Variants in HS6ST1 observed in about 807,000 individuals in gnomAD.
HS6ST1 encodes the protein heparan sulfate 6-O-sulfotransferase 1, also known as heparan-sulfate 6-O-sulfotransferase 1.
HS6ST1 carries 3 observed loss-of-function variants against 25.2 expected under a neutral mutation model. That is an observed-to-expected ratio of 0.12 (90% CI 0.05 to 0.31). The LOEUF (loss-of-function observed/expected upper bound fraction) is 0.31. Among genes scored for constraint, HS6ST1 ranks in the 10% least tolerant of loss-of-function variants. HS6ST1 has a pLI of 1.00. For synonymous variants in HS6ST1, 204 were observed against 275.1 expected, an observed-to-expected ratio of 0.74 and a Z score of 2.56; for missense variants, 310 against 609.6, an observed-to-expected ratio of 0.51 and a Z score of 5.18.
chr2:128,305,711 G>A (rs1573707672), intron 1 of HS6ST1, among the ~76,000 whole-genome samples: 1 of 152,330 alleles, frequency 6.6e-6, no homozygotes, highest in South Asian at 2.1e-4. Context: ...GAGACCATCT[G>A]CTCTGCCTGC....
At chr2:128,291,478 C>T (rs1265176384) in intron 1 of HS6ST1, among the ~76,000 whole-genome samples, 1 of 152,248 alleles carries the variant, frequency 6.6e-6, no homozygotes, top group Non-Finnish European at 1.5e-5. Context: ...GGGGCTAGAC[C>T]TCTGGCAGGG....
At chr2:128,315,190 G>A (rs1193587711) in intron 1 of HS6ST1, among the ~76,000 whole-genome samples, 1 of 152,226 alleles carries the variant, frequency 6.6e-6, no homozygotes, top group African/African-American at 2.4e-5. Context: ...ACCCGCCAAT[G>A]CTCTGCTCAC....
At chr2:128,314,409 G>T (rs1694332371) in intron 1 of HS6ST1, among the ~76,000 whole-genome samples, 1 of 152,198 alleles carries the variant, frequency 6.6e-6, no homozygotes, top group South Asian at 2.1e-4. Flanking sequence ...TGCCAAGGTG[G>T]CACGGTGTCA....
At chr2:128,288,697 A>ACGAT (rs1442176985) in intron 1 of HS6ST1, among the ~76,000 whole-genome samples, 14 of 80,344 alleles carry the variant, frequency 1.7e-4, no homozygotes, top group South Asian at 9.3e-4. Context: ...ACAAACAAAC[A>ACGAT]AAACAATCTA....
At chr2:128,300,265 C>T (rs1014085787) in intron 1 of HS6ST1, among the ~76,000 whole-genome samples, 4 of 152,174 alleles carry the variant, frequency 2.6e-5, no homozygotes, top group African/African-American at 7.2e-5. Flanking sequence ...GCCTGCCCTC[C>T]GGAGAGGGCC....
At chr2:128,282,253 C>T (rs6431006) in intron 1 of HS6ST1, among the ~76,000 whole-genome samples, 14,579 of 152,266 alleles carry the variant, frequency 0.096, 2,247 homozygotes, top group African/African-American at 0.32. Flanking sequence ...CACCTTTAGC[C>T]CTGCAGTGAA....
intron 1 of HS6ST1, among the ~76,000 whole-genome samples, chr2:128,270,980 C>T (rs998347127): frequency 6.6e-6 from 1 of 152,248 alleles, no homozygotes; most frequent in South Asian, 2.1e-4. Flanking sequence ...CCCCAGCCCA[C>T]AGGCGGGTCC....
rs1296841014 is a variant in HS6ST1, at chr2:128,268,524, C to T, written c.874G>A (p.Gly292Ser). Residue 292 changes from glycine (G) to serine (S), a missense_variant, in exon 2 of 2, where the codon GGC becomes AGC. Transcript: ENST00000259241. Reference sequence around the variant, plus strand: ...GTCTTGCGCTGGAACTCGGTCAGGCCGAAGAAGGCCATGCCCCGCAGGTTC... The same window carrying T: ...GTCTTGCGCTGGAACTCGGTCAGGCTGAAGAAGGCCATGCCCCGCAGGTTC... ...KKNLRGMAFFGLTEFQRKTQY... is the reference protein window; with the variant it reads ...KKNLRGMAFFSLTEFQRKTQY... 1.9e-6 allele frequency: 3 copies of T among 1,604,538 alleles called. No homozygotes were observed. Among genetic ancestry groups the T allele is most frequent in the East Asian group, 2.3e-5 (1 of 44,404 alleles).
At chr2:128,270,814 A>G (rs570169874) in intron 1 of HS6ST1, among the ~76,000 whole-genome samples, 3 of 152,204 alleles carry the variant, frequency 2.0e-5, no homozygotes, top group Non-Finnish European at 4.4e-5. Flanking sequence ...CCAACAGAGA[A>G]GCTTGCCCTC....
intron 1 of HS6ST1, among the ~76,000 whole-genome samples, chr2:128,291,612 G>A (rs190350115): frequency 6.6e-6 from 1 of 152,220 alleles, no homozygotes; most frequent in Non-Finnish European, 1.5e-5. Flanking sequence ...ACAGGCTGAC[G>A]CCATGCCTGG....
intron 1 of HS6ST1, among the ~76,000 whole-genome samples, chr2:128,317,674 G>A (rs1694393709): frequency 6.6e-6 from 1 of 152,248 alleles, no homozygotes; most frequent in African/African-American, 2.4e-5. Context: ...CACACACCCA[G>A]AAGCCCGCGT....
At chr2:128,271,363 G>A (rs985114921) in intron 1 of HS6ST1, among the ~76,000 whole-genome samples, 5 of 152,212 alleles carry the variant, frequency 3.3e-5, no homozygotes, top group Non-Finnish European at 5.9e-5. Context: ...CCTAATGACT[G>A]AGGGAGCAGG....
intron 1 of HS6ST1, among the ~76,000 whole-genome samples, chr2:128,269,829 AT>A (rs1194971985): frequency 6.6e-6 from 1 of 152,140 alleles, no homozygotes; most frequent in Non-Finnish European, 1.5e-5. Context: ...CCCCGCCAGG[AT>A]TCCCCAGATG....
intron 1 of HS6ST1, among the ~76,000 whole-genome samples, chr2:128,305,833 G>T (rs1043201013): frequency 6.6e-6 from 1 of 152,192 alleles, no homozygotes. Context: ...CTCAGGACCT[G>T]CCCAGGTTCC....
chr2:128,308,171 G>C (rs1437039725), intron 1 of HS6ST1, among the ~76,000 whole-genome samples: 2 of 152,220 alleles, frequency 1.3e-5, no homozygotes, highest in East Asian at 1.9e-4. Context: ...GTGAAACGCA[G>C]GACAGTGGTG....
intron 1 of HS6ST1, among the ~76,000 whole-genome samples, chr2:128,315,625 G>C (rs1694350104): frequency 1.3e-5 from 2 of 152,220 alleles, no homozygotes; most frequent in Admixed American, 6.5e-5. Context: ...GCAGGGATGG[G>C]CACTGCCCCT....
intron 1 of HS6ST1, among the ~76,000 whole-genome samples, chr2:128,269,593 G>A (rs1008502954): frequency 4.6e-5 from 7 of 152,242 alleles, no homozygotes; most frequent in East Asian, 1.9e-4. Flanking sequence ...CAGGACACTG[G>A]ACAGGTGGGT....
intron 1 of HS6ST1, among the ~76,000 whole-genome samples, chr2:128,279,754 C>T (rs1292721852): frequency 6.6e-6 from 1 of 152,164 alleles, no homozygotes; most frequent in Non-Finnish European, 1.5e-5. Context: ...TGTGATTGTG[C>T]GACTGCACTC....
At chr2:128,314,635 G>A (rs544234371) in intron 1 of HS6ST1, among the ~76,000 whole-genome samples, 79 of 152,304 alleles carry the variant, frequency 5.2e-4, no homozygotes, top group Non-Finnish European at 9.3e-4. Flanking sequence ...GATCACGGAG[G>A]GCAGGTCAAA....
Sources: gnomAD v4.1 joint callset for allele counts (sites outside exome capture counted in the v4.1 genomes callset) on GRCh38, gnomAD v4.1.1 for gene constraint, MANE v1.5 for transcripts, NCBI Gene and HGNC (gene_info 2026-07-23, HGNC 2026-07-21) for gene names.